ARMC2: variants seen among roughly 807,000 people sequenced by gnomAD.
ARMC2 encodes armadillo repeat-containing protein 2.
A neutral mutation model predicts 90.3 loss-of-function variants in ARMC2; 67 were observed. The ratio of observed to expected loss-of-function variants is 0.74; its 90% CI spans 0.61 to 0.91. The LOEUF is 0.91. Ranked by LOEUF, ARMC2 falls within the 40% of genes least tolerant of loss-of-function variation. The pLI, the probability that ARMC2 is intolerant of heterozygous loss-of-function variation, is 0.00. For synonymous variants in ARMC2, 393 were observed against 393.0 expected, an observed-to-expected ratio of 1.00 and a Z score of 0.00; for missense variants, 920 against 1,030.9, an observed-to-expected ratio of 0.89 and a Z score of 1.47.
intron 13 of ARMC2, among the ~76,000 whole-genome samples, chr6:108,958,519 G>A (rs1290751447): frequency 6.6e-6 from 1 of 152,244 alleles, no homozygotes; most frequent in African/African-American, 2.4e-5. Context: ...GTGGTCCTTC[G>A]GGAGGTCAGA....
the ARMC2 span, among the ~76,000 whole-genome samples, chr6:109,002,912 T>C: frequency 6.6e-6 from 1 of 152,202 alleles, no homozygotes; most frequent in Non-Finnish European, 1.5e-5. Context: ...CTCATTTTGT[T>C]TGTAAGTTTG....
chr6:108,864,274 G>T (rs1263746732), intron 3 of ARMC2, among the ~76,000 whole-genome samples: 1 of 146,464 alleles, frequency 6.8e-6, no homozygotes, highest in Non-Finnish European at 1.5e-5. Context: ...TTTTGAGATG[G>T]AGTCTTGCTC....
downstream of ARMC2, among the ~76,000 whole-genome samples, chr6:108,977,937 T>G (rs1583248847): frequency 6.6e-6 from 1 of 152,318 alleles, no homozygotes; most frequent in East Asian, 1.9e-4. Flanking sequence ...TGTTGATCTT[T>G]TCAAAAAACC....
At chr6:108,876,037 A>G (rs1222297832) in intron 4 of ARMC2, 106 bp from the exon 5 acceptor site, 4 of 1,033,424 alleles carry the variant, frequency 3.9e-6, no homozygotes, top group East Asian at 2.6e-5. Flanking sequence ...TAAGCAATGT[A>G]TAACTTTTAA....
chr6:108,953,243 G>A lies in ARMC2; in HGVS notation c.1807G>A (p.Val603Met), dbSNP rs758235155. Residue 603 changes from valine (V) to methionine (M), a missense_variant, in exon 13 of 18, where the codon GTG (valine) becomes ATG (methionine). Coordinates refer to ENST00000392644, the MANE Select transcript of ARMC2 (RefSeq NM_032131.6). ...GAGGCCGCCGTCAGAGGCAGAGGAC[G>A]TGCTCATCAAGCTGACTCGTGTGCT... Reference protein sequence around the residue: ...AQRPPSEAEDVLIKLTRVLAN... With the variant: ...AQRPPSEAEDMLIKLTRVLAN... 46 of 1,613,684 alleles carry A rather than the reference G, an allele frequency of 2.9e-5. No individual in the cohort carries two copies. Among genetic ancestry groups the A allele is most frequent in the Middle Eastern group, 1.6e-4 (1 of 6,062 alleles).
At chr6:109,021,464 T>C in the ARMC2 span, among the ~76,000 whole-genome samples, 1 of 151,690 alleles carries the variant, frequency 6.6e-6, no homozygotes, top group Non-Finnish European at 1.5e-5. Context: ...CATCCTTCTT[T>C]TTTTTTTTGC....
At chr6:108,848,859 G>C (rs549303475) in intron 1 of ARMC2, 2 of 152,252 alleles carry the variant, frequency 1.3e-5, no homozygotes, top group African/African-American at 2.4e-5. Context: ...GACCCTTCCT[G>C]CCGTCGTCCG....
At chr6:108,961,158 T>C in intron 13 of ARMC2, among the ~76,000 whole-genome samples, 1 of 151,968 alleles carries the variant, frequency 6.6e-6, no homozygotes, top group African/African-American at 2.4e-5. Context: ...GGCCGTTCTG[T>C]TGGGAGGCGG....
At chr6:108,905,074 C>G (rs896396074) in intron 8 of ARMC2, among the ~76,000 whole-genome samples, 1 of 152,104 alleles carries the variant, frequency 6.6e-6, no homozygotes, top group African/African-American at 2.4e-5. Flanking sequence ...AAAAGATAAG[C>G]CACAATTATT....
downstream of ARMC2, among the ~76,000 whole-genome samples, chr6:108,976,339 C>G (rs1486263767): frequency 6.6e-6 from 1 of 152,032 alleles, no homozygotes; most frequent in Non-Finnish European, 1.5e-5. Context: ...ATTTCTGAGG[C>G]CTCTGTTCTG....
intron 12 of ARMC2, among the ~76,000 whole-genome samples, chr6:108,951,491 T>G (rs1001046258): frequency 6.6e-6 from 1 of 152,236 alleles, no homozygotes; most frequent in Non-Finnish European, 1.5e-5. Context: ...TGCTGTAGCA[T>G]TAGCTGCTGT....
At chr6:108,991,079 C>A in the ARMC2 span, among the ~76,000 whole-genome samples, 1,484 of 126,808 alleles carry the variant, frequency 0.012, 34 homozygotes, top group African/African-American at 0.025. Flanking sequence ...AAAAAAACAA[C>A]AACAAAAAAA....
intron 1 of ARMC2, among the ~76,000 whole-genome samples, chr6:108,851,308 A>G (rs1773989170): frequency 6.6e-6 from 1 of 152,082 alleles, no homozygotes; most frequent in Admixed American, 6.5e-5. Flanking sequence ...CTCAAGCACC[A>G]CCTCTTCCAG....
chr6:108,860,006 A>T (rs1164572242), intron 3 of ARMC2, among the ~76,000 whole-genome samples: 1 of 73,652 alleles, frequency 1.4e-5, no homozygotes, highest in African/African-American at 8.3e-5. Flanking sequence ...CTCTGTCTTA[A>T]AAAAAAAAAA....
chr6:109,042,771 C>T, the ARMC2 span, among the ~76,000 whole-genome samples: 57 of 152,090 alleles, frequency 3.7e-4, no homozygotes, highest in Non-Finnish European at 7.5e-4. Flanking sequence ...CTGGATAACT[C>T]CACCAAACAT....
chr6:108,899,876 C>A, intron 7 of ARMC2, 84 bp downstream of exon 7: 1 of 1,005,540 alleles, frequency 9.9e-7, no homozygotes, highest in African/African-American at 1.7e-5. Flanking sequence ...TCCCCATTGC[C>A]CTGATATTTT....
intron 3 of ARMC2, among the ~76,000 whole-genome samples, chr6:108,864,726 T>G (rs1359877808): frequency 2.0e-5 from 3 of 152,220 alleles, no homozygotes; most frequent in Non-Finnish European, 2.9e-5. Context: ...CCCTGTTGGG[T>G]GATCTGGAAG....
chr6:108,954,320 G>T (rs1210146543), intron 13 of ARMC2, among the ~76,000 whole-genome samples: 2 of 152,162 alleles, frequency 1.3e-5, no homozygotes, highest in African/African-American at 4.8e-5. Context: ...TGCAACCCAA[G>T]ATTGATTAAT....
In ARMC2 at chr6:108,863,376, T is replaced by G. The variant is rs185535830; in HGVS notation, c.291+5105T>G. On this transcript the variant is annotated intron_variant, in intron 3 of 17. Coordinates refer to ENST00000392644, the MANE Select transcript of ARMC2 (RefSeq NM_032131.6). ...GGGACTACAGGCATGAACCACCATG[T>G]CCGCCTGATTTGTTGTCTTTCATTA... is the stretch of plus-strand genomic sequence containing the variant. Among the ~76,000 whole-genome samples, 619 of 152,238 alleles carry G rather than the reference T, an allele frequency of 4.1e-3. 2 individuals are homozygous for G. Among genetic ancestry groups the G allele is most frequent in the African/African-American group, 0.014 (580 of 41,546 alleles).
Sources: gnomAD v4.1 joint callset for allele counts (sites outside exome capture counted in the v4.1 genomes callset) on GRCh38, gnomAD v4.1.1 for gene constraint, MANE v1.5 for transcripts, NCBI Gene and HGNC (gene_info 2026-07-23, HGNC 2026-07-21) for gene names.